Variants in ZNF43 observed in about 807,000 individuals in gnomAD.
The protein encoded by ZNF43 is zinc finger protein 39-like 1 (KOX 27).
Under a neutral mutation model 68.4 loss-of-function variants are expected in ZNF43, and 44 were observed. That is an observed-to-expected ratio of 0.64 (90% CI 0.51 to 0.83). The LOEUF is 0.83. Ranked by LOEUF, ZNF43 falls within the 40% of genes least tolerant of loss-of-function variation. ZNF43 has a pLI of 0.00. For missense variants in ZNF43, 896 were observed against 933.2 expected, an observed-to-expected ratio of 0.96 and a Z score of 0.52; for synonymous variants, 308 against 307.8, an observed-to-expected ratio of 1.00 and a Z score of -0.01.
chr19:21,828,928 G>C (rs2038277287), intron 1 of ZNF43, among the ~76,000 whole-genome samples: 1 of 148,958 alleles, frequency 6.7e-6, no homozygotes, highest in South Asian at 2.1e-4. Context: ...AGCTACTTGG[G>C]AGGCTGAGCC....
At chr19:21,844,921 AAT>A (rs1181354510) in intron 1 of ZNF43, among the ~76,000 whole-genome samples, 339 of 26,070 alleles carry the variant, frequency 0.013, 6 homozygotes, top group African/African-American at 0.019. Flanking sequence ...AAAAAAAAAA[AAT>A]ATATATATAT....
At chr19:21,836,239 G>T (rs1402829472), upstream of ZNF43, 3 of 1,401,474 alleles carry the variant, frequency 2.1e-6, no homozygotes, top group Non-Finnish European at 2.8e-6. Flanking sequence ...GTGCCTGATT[G>T]GACGGTTTCC....
chr19:21,833,919 C>T (rs780675491), intron 1 of ZNF43, among the ~76,000 whole-genome samples: 4 of 151,650 alleles, frequency 2.6e-5, no homozygotes, highest in African/African-American at 9.7e-5. Context: ...CCTAGCTACT[C>T]GGGAGGCTGA....
Position 21,809,878 on chromosome 19 carries a change from T to TA in ZNF43, c.230-72dup, listed in dbSNP as rs1370727430. On this transcript the variant is annotated intron_variant, in intron 3 of 3. Coordinates refer to ENST00000354959, the MANE Select transcript of ZNF43 (RefSeq NM_003423.4). Reference sequence around the variant, plus strand: ...AGATAAATATACTTTATGTAACATATAAAATCACACAAGCTACATAAGCAA... The same window carrying TA: ...AGATAAATATACTTTATGTAACATATAAAAATCACACAAGCTACATAAGCAA... The TA allele has an allele frequency of 6.5e-6, 9 of 1,383,464 alleles. No individual in the cohort carries two copies. In the African/African-American group the frequency reaches 8.6e-5, roughly 13 times the overall value. The allele number at this position is 1,383,464 out of a possible 1,614,324, so 85.7% of individuals were successfully genotyped here. A position where few individuals can be genotyped will look rare whatever the true frequency, so the allele number is the denominator to read the frequency against.
Position 21,809,137 on chromosome 19 carries a change from G to A in ZNF43, c.900C>T (p.Asn300=). 1.2e-6 allele frequency: 2 copies of A among 1,613,500 alleles called. No individual in the cohort carries two copies. The highest frequency in any genetic ancestry group is 1.7e-6 in the Non-Finnish European group (2 of 1,179,818). The change falls in exon 4 of 4, where the codon AAC becomes AAT. Residue 300 remains asparagine, a synonymous_variant. Coordinates refer to ENST00000354959, the MANE Select transcript of ZNF43 (RefSeq NM_003423.4). ...ECAKAFNQSS[N]LTEHKKIHPG... ...GATGAATTTTCTTATGTTCAGTAAG[G>A]TTTGAGGATTGGTTAAAAGCTTTGG...
chr19:21,829,209 G>A (rs2038304785), intron 1 of ZNF43, among the ~76,000 whole-genome samples: 1 of 151,772 alleles, frequency 6.6e-6, no homozygotes, highest in Admixed American at 6.6e-5. Flanking sequence ...GGGTGACAGA[G>A]TGAGACTCCA....
At chr19:21,819,310 G>A (rs925360303) in intron 1 of ZNF43, 89 bp from the exon 2 acceptor site, 1 of 1,424,632 alleles carries the variant, frequency 7.0e-7, no homozygotes, top group Admixed American at 2.4e-5. Flanking sequence ...GGTAAAATGA[G>A]AGAGTAAAGA....
intron 1 of ZNF43, among the ~76,000 whole-genome samples, chr19:21,849,205 T>C (rs182742463): frequency 6.6e-6 from 1 of 152,116 alleles, no homozygotes; most frequent in African/African-American, 2.4e-5. Context: ...CAGTGGTAAT[T>C]TGGCTGGGCA....
In ZNF43 at chr19:21,806,692, A is replaced by T. The variant is rs2036958695; in HGVS notation, c.*915T>A. 6.6e-6 allele frequency: 1 copy of T among 152,214 alleles called. No individual in the cohort carries two copies. The allele number at this position is 152,214 out of a possible 1,614,324, so 9.4% of individuals were successfully genotyped here. On this transcript the variant is annotated 3_prime_UTR_variant, in exon 4 of 4. Coordinates refer to ENST00000354959, the MANE Select transcript of ZNF43 (RefSeq NM_003423.4). ...TTTTTCAAGATAAAAGTATACTTTA[A>T]TTGTAATTATAACTGAAAATCTTCT...
upstream of ZNF43, among the ~76,000 whole-genome samples, chr19:21,836,506 T>A (rs1208541472): frequency 6.6e-6 from 1 of 152,254 alleles, no homozygotes; most frequent in East Asian, 1.9e-4. Flanking sequence ...TTTTTGAATT[T>A]CAGCTTTTAT....
intron 3 of ZNF43, among the ~76,000 whole-genome samples, chr19:21,811,540 A>C (rs964765888): frequency 2.0e-5 from 3 of 151,688 alleles, no homozygotes; most frequent in Non-Finnish European, 4.4e-5. Flanking sequence ...GTCTCTAAAA[A>C]AAAAAACAAA....
upstream of ZNF43, chr19:21,836,239 G>A: frequency 1.4e-6 from 2 of 1,401,592 alleles, no homozygotes; most frequent in Non-Finnish European, 1.9e-6. Context: ...GTGCCTGATT[G>A]GACGGTTTCC....
intron 1 of ZNF43, among the ~76,000 whole-genome samples, chr19:21,822,358 G>A (rs1217806775): frequency 3.0e-5 from 4 of 131,830 alleles, no homozygotes; most frequent in Non-Finnish European, 6.6e-5. Context: ...TCATTTTGGA[G>A]TCACATGAGG....
chr19:21,809,349 A>T lies in ZNF43; in HGVS notation c.688T>A (p.Tyr230Asn). The T allele has an allele frequency of 1.2e-6, 2 of 1,613,844 alleles. No homozygotes were observed. Among genetic ancestry groups the T allele is most frequent in the Non-Finnish European group, 1.7e-6 (2 of 1,179,910 alleles). ...HKRINTGEKP[Y>N]TCEECGKVFN... is the part of the protein sequence containing the mutation. The stretch of plus-strand genomic sequence containing the variant: ...ACTTTGCCACATTCTTCACATGTGT[A>T]GGGTTTCTCTCCAGTATTAATTCTC... Residue 230 changes from tyrosine to asparagine, a missense_variant, in exon 4 of 4, where the codon TAC (tyrosine) becomes AAC (asparagine). Coordinates refer to ENST00000354959, the MANE Select transcript of ZNF43 (RefSeq NM_003423.4).
In ZNF43 at chr19:21,806,528, A is replaced by G. The variant is rs556915045; in HGVS notation, c.*1079T>C. ...ATGTTTTAAATAATGCCCACCTAAT[A>G]AAAGAATCTCTCATATCTTTGGTGC... On this transcript the variant is annotated 3_prime_UTR_variant, in exon 4 of 4. Coordinates refer to ENST00000354959, the MANE Select transcript of ZNF43 (RefSeq NM_003423.4). The G allele has an allele frequency of 4.5e-4, 68 of 152,310 alleles. No homozygotes were observed. Among genetic ancestry groups the G allele is most frequent in the African/African-American group, 1.5e-3 (62 of 41,570 alleles). The allele number at this position is 152,310 out of a possible 1,614,324, so 9.4% of individuals were successfully genotyped here.
chr19:21,837,014 A>G (rs148495155), upstream of ZNF43, among the ~76,000 whole-genome samples: 191 of 152,364 alleles, frequency 1.3e-3, 1 homozygote, highest in African/African-American at 4.3e-3. Context: ...ACATTTTTTA[A>G]AAAACTAAAT....
chr19:21,846,185 T>C (rs1409079150), intron 1 of ZNF43, among the ~76,000 whole-genome samples: 2 of 152,010 alleles, frequency 1.3e-5, no homozygotes, highest in East Asian at 3.9e-4. Flanking sequence ...GGTAGCACAA[T>C]CACTACAGTG....
intron 1 of ZNF43, among the ~76,000 whole-genome samples, chr19:21,849,000 A>AT: frequency 6.6e-6 from 1 of 152,288 alleles, no homozygotes; most frequent in East Asian, 1.9e-4. Context: ...ATGTTCACAT[A>AT]TAACAGCCAC....
At chr19:21,837,549 C>G (rs1485393440), upstream of ZNF43, among the ~76,000 whole-genome samples, 1 of 151,360 alleles carries the variant, frequency 6.6e-6, no homozygotes, top group African/African-American at 2.4e-5. Context: ...CTCAGCCTAC[C>G]AAGTAGCTGG....
Sources: allele counts gnomAD v4.1 joint callset (sites outside exome capture counted in the v4.1 genomes callset), GRCh38; gene constraint gnomAD v4.1.1; transcripts MANE v1.5; gene names NCBI Gene and HGNC (gene_info 2026-07-23, HGNC 2026-07-21).